The following NSD2 variants were observed in gnomAD, a reference collection of about 807,000 sequenced individuals.
The protein encoded by NSD2 is nuclear receptor binding SET domain protein 2.
In NSD2, 12 loss-of-function variants were observed where a neutral mutation model predicts 139.0. The ratio of observed to expected loss-of-function variants is 0.09; its 90% CI spans 0.06 to 0.14. NSD2 has a LOEUF of 0.14. Ranked by LOEUF, NSD2 falls within the 10% of genes least tolerant of loss-of-function variation. The pLI, the probability that NSD2 is intolerant of heterozygous loss-of-function variation, is 1.00. For missense variants in NSD2, 1,155 were observed against 1,745.0 expected (o/e 0.66, Z 6.02); for synonymous variants, 669 against 648.7 (o/e 1.03, Z -0.48).
intron 1 of NSD2, among the ~76,000 whole-genome samples, chr4:1,888,810 C>A (rs1182204634): frequency 6.6e-6 from 1 of 152,136 alleles, no homozygotes; most frequent in African/African-American, 2.4e-5. Context: ...AAGTGATCCA[C>A]CGGCCTCGGC....
intron 9 of NSD2, chr4:1,945,289 C>T (rs910492677): frequency 1.2e-4 from 124 of 1,065,956 alleles, no homozygotes; most frequent in Non-Finnish European, 1.4e-4. Context: ...AAGAGCTGAG[C>T]ACACCACAGG....
chr4:1,920,717 CAG>C (rs1269656007), intron 5 of NSD2, among the ~76,000 whole-genome samples: 1 of 151,412 alleles, frequency 6.6e-6, no homozygotes, highest in Non-Finnish European at 1.5e-5. Context: ...GCTTAGGTGA[CAG>C]AGTGAGACTC....
intron 5 of NSD2, among the ~76,000 whole-genome samples, chr4:1,924,605 G>A (rs1720604723): frequency 6.6e-6 from 1 of 152,146 alleles, no homozygotes; most frequent in Middle Eastern, 3.4e-3. Flanking sequence ...CAAACTGAAG[G>A]TATACAGTTA....
chr4:1,918,651 G>A (rs1311148767), intron 5 of NSD2, 28 bp downstream of exon 5: 2 of 1,605,512 alleles, frequency 1.2e-6, no homozygotes, highest in East Asian at 2.2e-5. Context: ...TTTCATGCTA[G>A]CAAGTTTCAG....
At chr4:1,950,188 A>G (rs905152455) in intron 9 of NSD2, among the ~76,000 whole-genome samples, 1 of 152,150 alleles carries the variant, frequency 6.6e-6, no homozygotes, top group African/African-American at 2.4e-5. Flanking sequence ...ATATTTGTTG[A>G]TGTTGCTTGT....
chr4:1,940,138 G>C (rs1722936950), intron 9 of NSD2: 4 of 1,139,964 alleles, frequency 3.5e-6, no homozygotes, highest in Non-Finnish European at 3.3e-6. Context: ...TTCTGAAAGG[G>C]CACAGTGTCA....
intron 18 of NSD2, among the ~76,000 whole-genome samples, chr4:1,964,631 C>CGCTG (rs1553878144): frequency 5.3e-5 from 8 of 151,846 alleles, no homozygotes; most frequent in Middle Eastern, 3.4e-3. Flanking sequence ...AGGTGCGCTG[C>CGCTG]GCTGCCGTTG....
In NSD2 at chr4:1,956,240, AC is replaced by A; in HGVS notation, c.2881+56del. 1.4e-6 allele frequency: 2 copies of A among 1,455,566 alleles called. No individual in the cohort carries two copies. Among genetic ancestry groups the A allele is most frequent in the Non-Finnish European group, 1.8e-6 (2 of 1,084,122 alleles). 90.2% of individuals were successfully genotyped at this position (1,455,566 alleles called of 1,614,324 possible). A position where few individuals can be genotyped will look rare whatever the true frequency, so the allele number is the denominator to read the frequency against. Reference sequence around the variant, plus strand: ...AGACAGCACTCTCGTGCATTTTCTTACCCCTAATTTCTATTTTTTAAAATTT... The same window carrying A: ...AGACAGCACTCTCGTGCATTTTCTTACCCTAATTTCTATTTTTTAAAATTT... On this transcript the variant is annotated intron_variant, in intron 15 of 21. Transcript: ENST00000508803. This position sits in a 1 kb window ranked among gnomAD's most constrained non-coding sequence, Gnocchi z 5.3.
chr4:1,946,073 T>TA (rs949492653), intron 9 of NSD2: 116 of 1,030,182 alleles, frequency 1.1e-4, no homozygotes, highest in South Asian at 2.8e-4. Context: ...CTTAGTTTTT[T>TA]AAAAAAAATC....
chr4:1,911,559 G>A (rs1478534447), intron 3 of NSD2, among the ~76,000 whole-genome samples: 1 of 131,780 alleles, frequency 7.6e-6, no homozygotes, highest in Non-Finnish European at 1.5e-5. Flanking sequence ...CTGCACTCCA[G>A]CCTGGGCGAC....
intron 18 of NSD2, among the ~76,000 whole-genome samples, chr4:1,964,792 A>C (rs1725716601): frequency 6.6e-6 from 1 of 152,090 alleles, no homozygotes; most frequent in African/African-American, 2.4e-5. Context: ...TAGGAAATTC[A>C]AAAACAACTA....
At position 1,942,066 on chromosome 4, in the gene NSD2, A is replaced by T. The variant is rs532925216; in HGVS notation, c.1881+2288A>T. 1 of 1,166,848 alleles carries T rather than the reference A, an allele frequency of 8.6e-7. No homozygotes were observed. The highest frequency in any genetic ancestry group is 1.6e-5 in the African/African-American group (1 of 63,536). The allele number at this position is 1,166,848 out of a possible 1,614,324, so 72.3% of individuals were successfully genotyped here. A position where few individuals can be genotyped will look rare whatever the true frequency, so the allele number is the denominator to read the frequency against. On this transcript the variant is annotated intron_variant, in intron 9 of 21. Transcript: ENST00000508803. This position sits in a 1 kb window ranked among gnomAD's most constrained non-coding sequence, Gnocchi z 4.0. ...CCCTTTCATCACATTTGTTTGAAAT[A>T]AGGTACTTTTATAGGGTTGGTATTT...
intron 12 of NSD2, among the ~76,000 whole-genome samples, chr4:1,954,048 C>T (rs983472048): frequency 1.3e-5 from 2 of 150,952 alleles, no homozygotes; most frequent in East Asian, 3.9e-4. Flanking sequence ...TGCAGTGGCA[C>T]GATCTCAGCT....
intron 20 of NSD2, chr4:1,975,760 A>G: frequency 8.3e-6 from 2 of 242,302 alleles, no homozygotes; most frequent in Non-Finnish European, 1.6e-5. Flanking sequence ...GGCTTGTAGC[A>G]GCACCGCCCA....
intron 18 of NSD2, among the ~76,000 whole-genome samples, chr4:1,964,029 T>C (rs747885475): frequency 6.6e-6 from 1 of 152,156 alleles, no homozygotes; most frequent in Non-Finnish European, 1.5e-5. Flanking sequence ...AAAGGAGCCC[T>C]ACTTAAACGT....
intron 1 of NSD2, among the ~76,000 whole-genome samples, chr4:1,897,346 A>C (rs1038516529): frequency 6.6e-6 from 1 of 152,052 alleles, no homozygotes; most frequent in African/African-American, 2.4e-5. Context: ...TTAGCTGAGC[A>C]TGGTGGGGTG....
rs966700804 is a variant in NSD2 at position 1,981,383 on chromosome 4, C to T, written c.*2474C>T. The T allele has an allele frequency of 6.9e-5, 16 of 233,372 alleles. No individual in the cohort carries two copies. The Admixed American group carries it at 7.9e-4, about 11-fold the overall frequency. The allele number at this position is 233,372 out of a possible 1,614,324, so 14.5% of individuals were successfully genotyped here. The stretch of plus-strand genomic sequence containing the variant: ...TGGGTGTGGCTGGCTCTCGGCCCTG[C>T]CCAGCTTTGTTCTGAGGACGTGGTG... On this transcript the variant is annotated 3_prime_UTR_variant, in exon 22 of 22. Transcript: ENST00000508803.
At chr4:1,943,816 C>G (rs1723349495) in intron 9 of NSD2, 25 of 1,062,132 alleles carry the variant, frequency 2.4e-5, no homozygotes, top group Non-Finnish European at 2.7e-5. Context: ...AAAGTAAAGA[C>G]TCTATCTTGA....
chr4:1,930,833 G>A, intron 6 of NSD2, 63 bp downstream of exon 6: 3 of 1,529,924 alleles, frequency 2.0e-6, no homozygotes, highest in Non-Finnish European at 2.6e-6. Context: ...AGCAAGCTGA[G>A]CTCTGATCTT....
Sources: gnomAD v4.1 joint callset for allele counts (sites outside exome capture counted in the v4.1 genomes callset) on GRCh38, gnomAD v4.1.1 for gene constraint, Gnocchi (gnomAD v3.1) non-coding constraint, MANE v1.5 for transcripts, NCBI Gene and HGNC (gene_info 2026-07-23, HGNC 2026-07-21) for gene names.